The following RIMBP2 variants were observed in gnomAD, a reference collection of about 807,000 sequenced individuals.
RIMBP2 encodes the protein RIMS-binding protein 2.
A neutral mutation model predicts 118.6 loss-of-function variants in RIMBP2; 48 were observed. The ratio of observed to expected loss-of-function variants is 0.40; its 90% CI spans 0.32 to 0.51. The LOEUF is 0.51. RIMBP2 is among the 20% of genes least tolerant of loss of function. The pLI is 0.41. For missense variants in RIMBP2, 1,551 were observed against 1,768.3 expected, an observed-to-expected ratio of 0.88 and a Z score of 2.20; for synonymous variants, 762 against 742.9, an observed-to-expected ratio of 1.03 and a Z score of -0.42.
chr12:130,425,860 G>A (rs2076753184), intron 15 of RIMBP2: 1 of 152,414 alleles, frequency 6.6e-6, no homozygotes, highest in East Asian at 1.9e-4. Flanking sequence ...CCCTCTTGCT[G>A]TGGGCCCCTT....
chr12:130,413,899 T>C (rs1404913213), intron 18 of RIMBP2, among the ~76,000 whole-genome samples: 2 of 152,300 alleles, frequency 1.3e-5, no homozygotes, highest in African/African-American at 4.8e-5. Context: ...ACAGGACATA[T>C]TTGGGTGTGT....
intron 3 of RIMBP2, among the ~76,000 whole-genome samples, chr12:130,514,531 T>C (rs930759501): frequency 3.3e-5 from 5 of 152,066 alleles, no homozygotes; most frequent in Admixed American, 6.5e-5. Flanking sequence ...ACAGCTGGCA[T>C]TGCCTCTCCA....
In RIMBP2 at chr12:130,456,720, CAG is replaced by C. The variant is rs1491388133; in HGVS notation, c.154-22_154-21del. On this transcript the variant is annotated intron_variant, in intron 6 of 22. Coordinates refer to ENST00000690449, the MANE Select transcript of RIMBP2 (RefSeq NM_001393629.1). ...CTTGGACTGCACGGCAGAAGCAGGA[CAG>C]GGGGTCAGCGGTGGCATTTGGTGGT... 2 of 1,579,982 alleles carry C rather than the reference CAG, an allele frequency of 1.3e-6. No homozygotes were observed. The highest frequency in any genetic ancestry group is 2.3e-5 in the East Asian group (1 of 44,090).
chr12:130,470,040 G>C (rs2080863181), intron 6 of RIMBP2, among the ~76,000 whole-genome samples: 1 of 152,198 alleles, frequency 6.6e-6, no homozygotes, highest in Non-Finnish European at 1.5e-5. Context: ...CCAGGGACAG[G>C]GGTGGTCACT....
chr12:130,500,443 G>T (rs1037486219), intron 4 of RIMBP2, among the ~76,000 whole-genome samples: 1 of 152,200 alleles, frequency 6.6e-6, no homozygotes, highest in Non-Finnish European at 1.5e-5. Flanking sequence ...GGGTGACTGA[G>T]CGAGACTCCT....
Position 130,461,329 on chromosome 12 carries a change from C to T in RIMBP2, c.154-4629G>A, listed in dbSNP as rs190301527. 7.9e-5 allele frequency among the ~76,000 whole-genome samples: 12 copies of T among 152,284 alleles called. No homozygotes were observed. In the East Asian group the frequency reaches 2.3e-3, roughly 29 times the overall value. The stretch of plus-strand genomic sequence containing the variant: ...GGACACAGTCCTGCACGCAGACTGG[C>T]AGGGGTGCCAGCAGGGGCAGGGGCA... On this transcript the variant is annotated intron_variant, in intron 6 of 22. Transcript: ENST00000690449.
chr12:130,541,261 C>T (rs2054577988), intron 2 of RIMBP2, among the ~76,000 whole-genome samples: 1 of 152,198 alleles, frequency 6.6e-6, no homozygotes, highest in Non-Finnish European at 1.5e-5. Flanking sequence ...GATTAGAGAT[C>T]TTTCTTCAGG....
chr12:130,567,158 GC>G (rs1240635639), intron 2 of RIMBP2, among the ~76,000 whole-genome samples: 2 of 152,202 alleles, frequency 1.3e-5, no homozygotes, highest in Admixed American at 1.3e-4. Context: ...AAGCAAGGAA[GC>G]TTTTGAGATG....
intron 6 of RIMBP2, among the ~76,000 whole-genome samples, chr12:130,457,096 G>A (rs367984884): frequency 1.2e-4 from 19 of 152,296 alleles, no homozygotes; most frequent in East Asian, 1.2e-3. Context: ...GGCAGGCTTT[G>A]CTAGAGCTGT....
chr12:130,490,879 G>A lies in RIMBP2; in HGVS notation c.-3-11863C>T, dbSNP rs536438169. Among the ~76,000 whole-genome samples, 107 of 152,298 alleles carry A rather than the reference G, an allele frequency of 7.0e-4. 1 individual carries two copies. The highest frequency in any genetic ancestry group is 2.5e-3 in the African/African-American group (103 of 41,566). On this transcript the variant is annotated intron_variant, in intron 4 of 22. Transcript: ENST00000690449. The stretch of plus-strand genomic sequence containing the variant: ...GGAACTCAGCCACACCATAAAAGAG[G>A]GAGATGTGGTCAGAGTTCAGTGGGA...
chr12:130,634,705 C>T (rs1221967180), intron 1 of RIMBP2, among the ~76,000 whole-genome samples: 1 of 152,140 alleles, frequency 6.6e-6, no homozygotes, highest in Non-Finnish European at 1.5e-5. Flanking sequence ...TATCCTTCCA[C>T]CTCAGCCTCC....
At chr12:130,699,343 A>G (rs1364547111) in intron 1 of RIMBP2, among the ~76,000 whole-genome samples, 3 of 152,160 alleles carry the variant, frequency 2.0e-5, no homozygotes, top group East Asian at 3.8e-4. Context: ...GTCCAACAAC[A>G]ATAGACTGGA....
chr12:130,633,334 G>A (rs1181394207), intron 1 of RIMBP2, among the ~76,000 whole-genome samples: 1 of 152,194 alleles, frequency 6.6e-6, no homozygotes, highest in Non-Finnish European at 1.5e-5. Context: ...AATGGATGCT[G>A]TTTCTAATGC....
chr12:130,529,186 G>A (rs10848127), intron 2 of RIMBP2, among the ~76,000 whole-genome samples: 125 of 108,688 alleles, frequency 1.2e-3, no homozygotes, highest in South Asian at 2.3e-3. Context: ...GCTGATTCAT[G>A]CCACAACAGG....
In RIMBP2 at chr12:130,434,371, G is replaced by A. The variant is rs1170878113; in HGVS notation, c.2253+363C>T. 1.3e-5 allele frequency among the ~76,000 whole-genome samples: 2 copies of A among 152,148 alleles called. No individual in the cohort carries two copies. Among genetic ancestry groups the A allele is most frequent in the Non-Finnish European group, 2.9e-5 (2 of 68,040 alleles). ...CATGATGCCTCCCTAGCACACAGAT[G>A]GCCAACAAACATCTGCCCAGTTAAC... On this transcript the variant is annotated intron_variant, in intron 14 of 22. Transcript: ENST00000690449. The surrounding 1 kb of genome is among the most constrained non-coding windows in gnomAD (Gnocchi z 5.7).
chr12:130,620,154 C>A lies in RIMBP2; in HGVS notation c.-217+8168G>T, dbSNP rs1189002453. 6.6e-6 allele frequency among the ~76,000 whole-genome samples: 1 copy of A among 152,190 alleles called. No homozygotes were observed. Among genetic ancestry groups the A allele is most frequent in the African/African-American group, 2.4e-5 (1 of 41,434 alleles). ...TGCTTTGGAAGTGGTCTGCTGAGGG[C>A]AGTCATGGTGCCTCACCCTCTCCAG... On this transcript the variant is annotated intron_variant, in intron 2 of 22. Transcript: ENST00000690449. This position sits in a 1 kb window ranked among gnomAD's most constrained non-coding sequence, Gnocchi z 5.3.
chr12:130,621,398 A>G lies in RIMBP2; in HGVS notation c.-217+6924T>C, dbSNP rs2061304870. Among the ~76,000 whole-genome samples, 2 of 152,208 alleles carry G rather than the reference A, an allele frequency of 1.3e-5. No homozygotes were observed. Among genetic ancestry groups the G allele is most frequent in the Non-Finnish European group, 2.9e-5 (2 of 68,042 alleles). On this transcript the variant is annotated intron_variant, in intron 2 of 22. Transcript: ENST00000690449. This position sits in a 1 kb window ranked among gnomAD's most constrained non-coding sequence, Gnocchi z 6.6. ...GGGACTCTGATTAAAGACTGACGCC[A>G]ACACAGAGGAAAAGGATGGAGATTC...
chr12:130,587,677 G>T (rs1241765728), intron 2 of RIMBP2, among the ~76,000 whole-genome samples: 1 of 80,556 alleles, frequency 1.2e-5, no homozygotes, highest in Non-Finnish European at 2.3e-5. Flanking sequence ...TGGGGACTGT[G>T]GTGGGGTGGG....
chr12:130,448,432 T>C (rs942326046), intron 9 of RIMBP2, among the ~76,000 whole-genome samples: 3 of 152,144 alleles, frequency 2.0e-5, no homozygotes, highest in Non-Finnish European at 4.4e-5. Context: ...AGGCTCATGA[T>C]TGGGAAGGAA....
Sources: allele counts gnomAD v4.1 joint callset (sites outside exome capture counted in the v4.1 genomes callset), GRCh38; gene constraint gnomAD v4.1.1; non-coding constraint Gnocchi (gnomAD v3.1); transcripts MANE v1.5; gene names NCBI Gene and HGNC (gene_info 2026-07-23, HGNC 2026-07-21).